ZFYVE9: variants seen among roughly 807,000 people sequenced by gnomAD.
ZFYVE9 encodes zinc finger FYVE domain-containing protein 9.
Under a neutral mutation model 126.7 loss-of-function variants are expected in ZFYVE9, and 43 were observed. The observed-to-expected ratio is 0.34, with a 90% confidence interval of 0.27 to 0.44. The LOEUF (loss-of-function observed/expected upper bound fraction) is 0.44, where lower values mean the gene tolerates loss of function less well. Ranked by LOEUF, ZFYVE9 falls within the 20% of genes least tolerant of loss-of-function variation. The probability of loss-of-function intolerance (pLI) is 1.00; values close to 1 mark genes in which losing one functional copy is unlikely to be tolerated. For synonymous variants in ZFYVE9, 521 were observed against 597.4 expected (o/e 0.87, Z 1.87); for missense variants, 1,476 against 1,697.0 (o/e 0.87, Z 2.29).
chr1:52,254,212 T>C (rs1645480321), intron 4 of ZFYVE9: 2 of 471,320 alleles, frequency 4.2e-6, no homozygotes, highest in South Asian at 6.2e-5. Flanking sequence ...TCATTAAACG[T>C]ATCTTTGTTT....
At chr1:52,212,927 C>A (rs1645040801) in intron 1 of ZFYVE9, among the ~76,000 whole-genome samples, 1 of 152,126 alleles carries the variant, frequency 6.6e-6, no homozygotes, top group Non-Finnish European at 1.5e-5. Flanking sequence ...TAGAGGAGTT[C>A]TGTGAAATTC....
intron 1 of ZFYVE9, among the ~76,000 whole-genome samples, chr1:52,207,952 A>G (rs1644993035): frequency 6.6e-6 from 1 of 152,230 alleles, no homozygotes; most frequent in African/African-American, 2.4e-5. Context: ...CCCGCAAAGT[A>G]TAGTTTTCAT....
rs533998909 is a variant in ZFYVE9 at position 52,210,371 on chromosome 1, G to A, written c.-142-5998G>A. Among the ~76,000 whole-genome samples, 4 of 152,152 alleles carry A rather than the reference G, an allele frequency of 2.6e-5. No homozygotes were observed. The East Asian group carries it at 5.8e-4, about 22-fold the overall frequency. On this transcript the variant is annotated intron_variant, in intron 1 of 18. Coordinates refer to ENST00000287727, the MANE Select transcript of ZFYVE9 (RefSeq NM_004799.4). ...TGGAGTAAAACCCCTCTCTTACCTC[G>A]CTTTTTGCCTGAGTAACATTAGTTG...
intron 1 of ZFYVE9, among the ~76,000 whole-genome samples, chr1:52,166,719 C>G (rs1644517371): frequency 6.6e-6 from 1 of 152,018 alleles, no homozygotes; most frequent in African/African-American, 2.4e-5. Flanking sequence ...TCGAGACCAG[C>G]CTAGACAACA....
intron 1 of ZFYVE9, among the ~76,000 whole-genome samples, chr1:52,178,857 G>A (rs768785820): frequency 6.6e-6 from 1 of 152,144 alleles, no homozygotes; most frequent in Non-Finnish European, 1.5e-5. Flanking sequence ...CCAGGCTGGA[G>A]TGCAGTGGTG....
chr1:52,256,589 G>A (rs1645522013), intron 4 of ZFYVE9, among the ~76,000 whole-genome samples: 1 of 152,200 alleles, frequency 6.6e-6, no homozygotes, highest in Non-Finnish European at 1.5e-5. Context: ...TGTTGGCTGG[G>A]CTGGTACAGC....
chr1:52,239,516 C>G lies in ZFYVE9; in HGVS notation c.2099C>G (p.Ser700Cys). The part of the protein sequence containing the change: ...GEVAPVWVPD[S>C]QAPNCMKCEA... ...GTGGCTCCAGTATGGGTACCGGATT[C>G]TCAGGCTCCAAATTGCATGAAATGT... The change falls in exon 4 of 19, where the codon TCT becomes TGT. Residue 700 changes from serine (S) to cysteine (C), a missense_variant. Ser to Cys is a moderately radical substitution (Grantham distance 112, BLOSUM62 -1). This residue lies in a region of ZFYVE9 where 669 missense variants were observed against 902.4 expected (regional missense o/e 0.74). Coordinates refer to ENST00000287727, the MANE Select transcript of ZFYVE9 (RefSeq NM_004799.4). The G allele has an allele frequency of 6.2e-7, 1 of 1,614,132 alleles. No homozygotes were observed. The highest frequency in any genetic ancestry group is 8.5e-7 in the Non-Finnish European group (1 of 1,180,010).
At chr1:52,157,951 C>T (rs1181715873) in intron 1 of ZFYVE9, among the ~76,000 whole-genome samples, 1 of 152,174 alleles carries the variant, frequency 6.6e-6, no homozygotes, top group East Asian at 1.9e-4. Context: ...TCTCTCCTCA[C>T]ATGGTATACA....
intron 1 of ZFYVE9, among the ~76,000 whole-genome samples, chr1:52,157,096 T>C (rs1644410030): frequency 1.3e-5 from 2 of 152,252 alleles, no homozygotes; most frequent in South Asian, 4.1e-4. Context: ...CCTCCGAAAG[T>C]GCTGGGATTA....
intron 1 of ZFYVE9, among the ~76,000 whole-genome samples, chr1:52,210,817 G>A (rs1042266275): frequency 2.6e-5 from 4 of 152,144 alleles, no homozygotes; most frequent in African/African-American, 9.7e-5. Context: ...ACCACAGCTG[G>A]CTAATTTTTG....
At chr1:52,291,481 C>T (rs1050626766) in intron 10 of ZFYVE9, among the ~76,000 whole-genome samples, 1 of 152,286 alleles carries the variant, frequency 6.6e-6, no homozygotes, top group East Asian at 1.9e-4. Flanking sequence ...GTCAGAAAGT[C>T]CTTTTGCAAT....
At chr1:52,271,026 A>G (rs966755402) in intron 7 of ZFYVE9, among the ~76,000 whole-genome samples, 1 of 152,208 alleles carries the variant, frequency 6.6e-6, no homozygotes, top group Non-Finnish European at 1.5e-5. Flanking sequence ...CTGTCTCTAT[A>G]TAAAATTAAA....
intron 1 of ZFYVE9, among the ~76,000 whole-genome samples, chr1:52,188,478 A>G (rs758234969): frequency 6.6e-6 from 1 of 152,248 alleles, no homozygotes; most frequent in Admixed American, 6.5e-5. Flanking sequence ...AACCTAAAAT[A>G]TAAGTTAAAA....
chr1:52,224,085 C>T (rs1309147027), intron 2 of ZFYVE9, among the ~76,000 whole-genome samples: 1 of 152,142 alleles, frequency 6.6e-6, no homozygotes, highest in Non-Finnish European at 1.5e-5. Flanking sequence ...CCAATATCCC[C>T]TCCTCCTAGT....
chr1:52,339,458 T>C (rs1646416128), intron 16 of ZFYVE9, among the ~76,000 whole-genome samples: 1 of 152,030 alleles, frequency 6.6e-6, no homozygotes, highest in Admixed American at 6.5e-5. Context: ...CCTGGCTAAT[T>C]TTTTGTGTTT....
At chr1:52,318,313 A>G (rs1646205001) in intron 13 of ZFYVE9, among the ~76,000 whole-genome samples, 2 of 152,114 alleles carry the variant, frequency 1.3e-5, no homozygotes, top group South Asian at 4.1e-4. Flanking sequence ...CATATGATAC[A>G]GCAAAAGCAG....
At chr1:52,246,258 CT>C (rs1191835068) in intron 4 of ZFYVE9, among the ~76,000 whole-genome samples, 1 of 152,038 alleles carries the variant, frequency 6.6e-6, no homozygotes, top group Non-Finnish European at 1.5e-5. Flanking sequence ...AAACAAATGC[CT>C]TAAATACTAT....
intron 10 of ZFYVE9, among the ~76,000 whole-genome samples, chr1:52,287,541 T>C (rs1645874013): frequency 6.6e-6 from 1 of 152,160 alleles, no homozygotes; most frequent in South Asian, 2.1e-4. Context: ...GATTAGGCCA[T>C]GAGGGCTTCA....
At chr1:52,163,634 A>G (rs1037750940) in intron 1 of ZFYVE9, among the ~76,000 whole-genome samples, 10 of 152,110 alleles carry the variant, frequency 6.6e-5, no homozygotes, top group African/African-American at 2.2e-4. Context: ...ACTTTTCTTT[A>G]TATCCATCAC....
Sources: gnomAD v4.1 joint callset for allele counts (sites outside exome capture counted in the v4.1 genomes callset) on GRCh38, gnomAD v4.1.1 for gene constraint, gnomAD v4.1.1 regional missense constraint, MANE v1.5 for transcripts, NCBI Gene and HGNC (gene_info 2026-07-23, HGNC 2026-07-21) for gene names.